Variants in ETFBKMT observed in about 807,000 individuals in gnomAD.
The protein encoded by ETFBKMT is electron transfer flavoprotein beta subunit lysine methyltransferase.
In ETFBKMT, 13 loss-of-function variants were observed where a neutral mutation model predicts 18.3. That is an observed-to-expected ratio of 0.71 (90% CI 0.46 to 1.13). ETFBKMT has a LOEUF of 1.13. Among genes scored for constraint, ETFBKMT ranks in the 50% most tolerant of loss-of-function variants. The pLI is 0.00. For missense variants in ETFBKMT, 293 were observed against 306.2 expected (o/e 0.96, Z 0.32); for synonymous variants, 84 against 107.9 (o/e 0.78, Z 1.37).
upstream of ETFBKMT, among the ~76,000 whole-genome samples, chr12:31,655,784 G>A (rs189212373): frequency 6.6e-6 from 1 of 152,226 alleles, no homozygotes; most frequent in Non-Finnish European, 1.5e-5. Context: ...CTTTCCCAAG[G>A]AGCACGGGCC....
intron 1 of ETFBKMT, among the ~76,000 whole-genome samples, chr12:31,649,313 T>A (rs1027091749): frequency 6.6e-6 from 1 of 152,272 alleles, no homozygotes; most frequent in Non-Finnish European, 1.5e-5. Flanking sequence ...TACAGAGGTC[T>A]GACTGTACTT....
At position 31,649,493 on chromosome 12, in the gene ETFBKMT, G is replaced by A. The variant is rs576993918; in HGVS notation, c.-114+2238G>A. Among the ~76,000 whole-genome samples, 15 of 152,194 alleles carry A rather than the reference G, an allele frequency of 9.9e-5. 2 individuals are homozygous for A. Among genetic ancestry groups the A allele is most frequent in the African/African-American group, 2.9e-4 (12 of 41,526 alleles). Reference sequence around the variant, plus strand: ...AATTGAACGTTTGTGGTACCCCTGTGTCGGGCTAGTCTATTGGTGCCATTT... The same window carrying A: ...AATTGAACGTTTGTGGTACCCCTGTATCGGGCTAGTCTATTGGTGCCATTT... On this transcript the variant is annotated intron_variant, in intron 1 of 3. Coordinates refer to the ETFBKMT transcript ENST00000412352.
chr12:31,655,600 A>T (rs182555095), upstream of ETFBKMT, among the ~76,000 whole-genome samples: 333 of 152,302 alleles, frequency 2.2e-3, no homozygotes, highest in Non-Finnish European at 3.6e-3. Flanking sequence ...CTGAATAATG[A>T]ATTCTTCCTT....
intron 2 of ETFBKMT, among the ~76,000 whole-genome samples, chr12:31,663,312 C>T (rs186355334): frequency 1.7e-3 from 261 of 152,160 alleles, no homozygotes; most frequent in Admixed American, 3.3e-3. Flanking sequence ...AGGCTGGTCT[C>T]GAACTTCTGA....
chr12:31,651,077 T>C (rs370658139), intron 1 of ETFBKMT, among the ~76,000 whole-genome samples: 6 of 152,088 alleles, frequency 3.9e-5, no homozygotes, highest in Non-Finnish European at 8.8e-5. Flanking sequence ...ACAACTTAAG[T>C]ATGATAACAT....
Position 31,668,067 on chromosome 12 carries a change from C to A in ETFBKMT, c.*77C>A. On this transcript the variant is annotated 3_prime_UTR_variant, in exon 4 of 4. Coordinates refer to ENST00000357721, the MANE Select transcript of ETFBKMT (RefSeq NM_001135863.2). ...AAAAGTTTTCTCTATAGGAGATACT[C>A]TCCAGTTTAATGAATGTAATTCTTG... 8.9e-7 allele frequency: 1 copy of A among 1,117,356 alleles called. No homozygotes were observed. The highest frequency in any genetic ancestry group is 1.3e-6 in the Non-Finnish European group (1 of 781,806). The allele number at this position is 1,117,356 out of a possible 1,614,324, so 69.2% of individuals were successfully genotyped here. A position where few individuals can be genotyped will look rare whatever the true frequency, so the allele number is the denominator to read the frequency against.
intron 1 of ETFBKMT, among the ~76,000 whole-genome samples, chr12:31,648,653 C>G (rs1266084931): frequency 6.6e-6 from 1 of 151,366 alleles, no homozygotes; most frequent in Non-Finnish European, 1.5e-5. Context: ...GCTCTGCCTC[C>G]CGGGTTCTAG....
intron 1 of ETFBKMT, among the ~76,000 whole-genome samples, chr12:31,652,081 G>T (rs1301895533): frequency 6.6e-6 from 1 of 152,092 alleles, no homozygotes; most frequent in Non-Finnish European, 1.5e-5. Flanking sequence ...GGGTAACCAG[G>T]CTTCCCCTGC....
chr12:31,667,704 T>C lies in ETFBKMT; in HGVS notation c.503T>C (p.Ile168Thr), dbSNP rs1401128730. 1.2e-6 allele frequency: 2 copies of C among 1,614,048 alleles called. No homozygotes were observed. The highest frequency in any genetic ancestry group is 1.7e-6 in the Non-Finnish European group (2 of 1,180,034). The change falls in exon 4 of 4, where the codon ATT becomes ACT. Residue 168 changes from isoleucine to threonine, a missense_variant. Coordinates refer to ENST00000357721, the MANE Select transcript of ETFBKMT (RefSeq NM_001135863.2). ...TTGAACAGACTGAATCCTTTTCCTATTTTAATCCAAAACATTTTGAATTTG... is the reference window on the plus strand; with the variant it reads ...TTGAACAGACTGAATCCTTTTCCTACTTTAATCCAAAACATTTTGAATTTG... ...CELNRLNPFP[I>T]LIQNILNLEQ... is the part of the protein sequence containing the mutation.
In ETFBKMT at chr12:31,668,359, CAAACA is replaced by C. The variant is rs536647002; in HGVS notation, c.*380_*384del. 3.4e-3 allele frequency: 557 copies of C among 165,130 alleles called. 6 individuals are homozygous for C. The highest frequency in any genetic ancestry group is 0.012 in the African/African-American group (524 of 41,966). 10.2% of individuals were successfully genotyped at this position (165,130 alleles called of 1,614,324 possible). On this transcript the variant is annotated 3_prime_UTR_variant, in exon 4 of 4. Transcript: ENST00000357721. ...AACTGTGATGTAACTTTGAATTAAA[CAAACA>C]AAACAAAACAGAAGAAGACTATATA...
At chr12:31,657,608 A>G (rs750525643), upstream of ETFBKMT, among the ~76,000 whole-genome samples, 1 of 152,090 alleles carries the variant, frequency 6.6e-6, no homozygotes, top group Non-Finnish European at 1.5e-5. Context: ...CCTGACCAAC[A>G]TGGTGAAACC....
chr12:31,662,570 C>T (rs1478611239), intron 2 of ETFBKMT, among the ~76,000 whole-genome samples: 2 of 142,076 alleles, frequency 1.4e-5, no homozygotes, highest in Non-Finnish European at 3.0e-5. Flanking sequence ...TCTTAAACAT[C>T]TGGCCTCCTC....
At chr12:31,649,075 C>G (rs1355638438) in intron 1 of ETFBKMT, among the ~76,000 whole-genome samples, 1 of 152,176 alleles carries the variant, frequency 6.6e-6, no homozygotes. Context: ...CCTCAGCCTC[C>G]CAAGTAGCTG....
chr12:31,667,736 G>C lies in ETFBKMT; in HGVS notation c.535G>C (p.Asp179His). 6.2e-7 allele frequency: 1 copy of C among 1,613,886 alleles called. No homozygotes were observed. The highest frequency in any genetic ancestry group is 8.5e-7 in the Non-Finnish European group (1 of 1,179,972). Residue 179 changes from aspartate to histidine, a missense_variant, in exon 4 of 4, where the codon GAT becomes CAT. Coordinates refer to ENST00000357721, the MANE Select transcript of ETFBKMT (RefSeq NM_001135863.2). Reference protein sequence around the residue: ...LIQNILNLEQDKWDLVVLGDM... With the variant: ...LIQNILNLEQHKWDLVVLGDM... ...CCAAAACATTTTGAATTTGGAACAA[G>C]ATAAGTGGGACCTTGTTGTTCTTGG...
chr12:31,651,585 G>A (rs1321220104), intron 1 of ETFBKMT, among the ~76,000 whole-genome samples: 1 of 152,034 alleles, frequency 6.6e-6, no homozygotes, highest in Non-Finnish European at 1.5e-5. Context: ...AGCCGCCTCC[G>A]CCTCCCAAAG....
At chr12:31,661,644 A>G (rs539471319) in intron 1 of ETFBKMT, among the ~76,000 whole-genome samples, 197 bp from the exon 2 acceptor site, 1 of 152,218 alleles carries the variant, frequency 6.6e-6, no homozygotes, top group African/African-American at 2.4e-5. Flanking sequence ...TATTTTTAGT[A>G]GAGACAGGGT....
chr12:31,659,986 T>TAAAAA (rs10567575), intron 1 of ETFBKMT, 197 bp downstream of exon 1: 17 of 101,256 alleles, frequency 1.7e-4, no homozygotes, highest in South Asian at 3.3e-4. Context: ...TCGTCTCTAC[T>TAAAAA]AAAAAAAAAA....
Position 31,666,068 on chromosome 12 carries a change from T to C in ETFBKMT, c.315-19T>C. 3 of 1,605,660 alleles carry C rather than the reference T, an allele frequency of 1.9e-6. No homozygotes were observed. The highest frequency in any genetic ancestry group is 2.6e-6 in the Non-Finnish European group (3 of 1,175,878). ...TTTTTCCTCATCTCTCTGAGACATG[T>C]TTCTCCTTTTTAATTTAGGTATCTT... On this transcript the variant is annotated intron_variant, in intron 2 of 3. Transcript: ENST00000357721.
Position 31,672,085 on chromosome 12 carries a change from C to CTA in ETFBKMT, c.*4095_*4096insTA, listed in dbSNP as rs1414219395. ...TATCATTTCAAAAATAATGACTCAT[C>CTA]CAACAGATATAGAATAATAGCACTT... On this transcript the variant is annotated 3_prime_UTR_variant, in exon 4 of 4. Transcript: ENST00000357721. The CTA allele has an allele frequency of 3.0e-5, 13 of 433,524 alleles. No individual in the cohort carries two copies. The Admixed American group carries it at 4.9e-4, about 16-fold the overall frequency. 26.9% of individuals were successfully genotyped at this position (433,524 alleles called of 1,614,324 possible).
Sources: gnomAD v4.1 joint callset for allele counts (sites outside exome capture counted in the v4.1 genomes callset) on GRCh38, gnomAD v4.1.1 for gene constraint, MANE v1.5 for transcripts, NCBI Gene and HGNC (gene_info 2026-07-23, HGNC 2026-07-21) for gene names.